The following GABRB1 variants were observed in gnomAD, a reference collection of about 807,000 sequenced individuals.
GABRB1 encodes the protein gamma-aminobutyric acid receptor subunit beta-1.
In GABRB1, 17 loss-of-function variants were observed where a neutral mutation model predicts 51.6. That is an observed-to-expected ratio of 0.33 (90% CI 0.23 to 0.49). The LOEUF (loss-of-function observed/expected upper bound fraction) is 0.49, where lower values mean the gene tolerates loss of function less well. GABRB1 is among the 20% of genes least tolerant of loss of function. The pLI, the probability that GABRB1 is intolerant of heterozygous loss-of-function variation, is 0.99. For missense variants in GABRB1, 410 were observed against 600.6 expected (o/e 0.68, Z 3.32); for synonymous variants, 247 against 218.9 (o/e 1.13, Z -1.14).
At chr4:47,136,463 G>A (rs1364968781) in intron 3 of GABRB1, among the ~76,000 whole-genome samples, 2 of 151,904 alleles carry the variant, frequency 1.3e-5, no homozygotes, top group African/African-American at 4.8e-5. Context: ...AAGCATGGAT[G>A]AAAACAATTC....
intron 1 of GABRB1, among the ~76,000 whole-genome samples, chr4:46,999,869 G>A (rs1724125976): frequency 1.3e-5 from 2 of 152,126 alleles, no homozygotes; most frequent in Admixed American, 1.3e-4. Context: ...ATTTGCACAT[G>A]GGACCCATGA....
intron 3 of GABRB1, among the ~76,000 whole-genome samples, chr4:47,078,892 A>G (rs1264660238): frequency 6.6e-6 from 1 of 152,190 alleles, no homozygotes; most frequent in African/African-American, 2.4e-5. Context: ...CTCTGCTAAG[A>G]AAAATCAGCT....
intron 3 of GABRB1, among the ~76,000 whole-genome samples, chr4:47,076,581 T>C (rs1233481820): frequency 6.6e-6 from 1 of 152,006 alleles, no homozygotes; most frequent in Non-Finnish European, 1.5e-5. Flanking sequence ...TTGTCTTCGG[T>C]TTAATGAAAG....
chr4:47,008,201 A>C (rs1361935788), intron 1 of GABRB1, among the ~76,000 whole-genome samples: 1 of 152,136 alleles, frequency 6.6e-6, no homozygotes, highest in Non-Finnish European at 1.5e-5. Context: ...TCATTCATTA[A>C]ATACAGAATA....
chr4:47,165,525 G>A (rs963155935), intron 4 of GABRB1, among the ~76,000 whole-genome samples: 4 of 152,012 alleles, frequency 2.6e-5, no homozygotes, highest in African/African-American at 9.7e-5. Context: ...TGACTTCTCC[G>A]AATGCTTTAA....
chr4:47,415,902 T>G (rs1309485910), intron 8 of GABRB1, among the ~76,000 whole-genome samples: 1 of 151,958 alleles, frequency 6.6e-6, no homozygotes, highest in African/African-American at 2.4e-5. Context: ...CCTTGGCCAT[T>G]GAAACTCAGA....
At chr4:47,225,237 AG>A (rs2109828809) in intron 4 of GABRB1, among the ~76,000 whole-genome samples, 1 of 152,286 alleles carries the variant, frequency 6.6e-6, no homozygotes, top group South Asian at 2.1e-4. Flanking sequence ...AGAGGTGCTC[AG>A]ATGGAACCAT....
chr4:47,353,424 T>C (rs1578116418), intron 5 of GABRB1, among the ~76,000 whole-genome samples: 1 of 152,206 alleles, frequency 6.6e-6, no homozygotes, highest in Admixed American at 6.5e-5. Context: ...TAACTTATTG[T>C]TAAGGTAAAT....
chr4:47,026,745 C>G (rs1725108660), upstream of GABRB1, among the ~76,000 whole-genome samples: 1 of 151,956 alleles, frequency 6.6e-6, no homozygotes, highest in Non-Finnish European at 1.5e-5. Flanking sequence ...AAATATAAAT[C>G]ACTAATAACA....
rs143198572 is a variant in GABRB1, at chr4:46,999,120, T to C, written c.-20+5194T>C. On this transcript the variant is annotated intron_variant, in intron 1 of 3. Coordinates refer to the GABRB1 transcript ENST00000513567. ...TAATAGTAATGGTTTGCAAGGATAATTTATGCATTACCGATAGTGCCCCAA... is the reference window on the plus strand; with the variant it reads ...TAATAGTAATGGTTTGCAAGGATAACTTATGCATTACCGATAGTGCCCCAA... Among the ~76,000 whole-genome samples the C allele has an allele frequency of 6.0e-3, 907 of 152,254 alleles. 6 individuals carry two copies. Among genetic ancestry groups the C allele is most frequent in the African/African-American group, 0.021 (874 of 41,538 alleles).
chr4:47,240,828 T>C (rs1721493111), intron 4 of GABRB1, among the ~76,000 whole-genome samples: 1 of 152,196 alleles, frequency 6.6e-6, no homozygotes, highest in South Asian at 2.1e-4. Flanking sequence ...AGGCATTCAA[T>C]ATTACCTGCC....
chr4:47,311,897 A>G (rs1724701777), intron 4 of GABRB1, among the ~76,000 whole-genome samples: 1 of 152,136 alleles, frequency 6.6e-6, no homozygotes, highest in African/African-American at 2.4e-5. Context: ...GAGATTGCTG[A>G]GGCTTTCCAA....
rs112421120 is a variant in GABRB1, at chr4:47,155,555, A to C, written c.241-5694A>C. 7.8e-3 allele frequency among the ~76,000 whole-genome samples: 1,188 copies of C among 152,078 alleles called. 7 individuals carry two copies. Among genetic ancestry groups the C allele is most frequent in the Non-Finnish European group, 0.012 (835 of 67,960 alleles). On this transcript the variant is annotated intron_variant, in intron 3 of 8. Transcript: ENST00000295454. ...AAATATCCTGTCTCTTTCCTAACAT[A>C]GTCTGAGACGTGCAGACTATGGGGG...
intron 4 of GABRB1, among the ~76,000 whole-genome samples, chr4:47,228,384 T>A (rs937464649): frequency 2.0e-5 from 3 of 152,022 alleles, no homozygotes; most frequent in African/African-American, 4.8e-5. Flanking sequence ...GAAAGAGGTC[T>A]TGGGTCCCAA....
In GABRB1 at chr4:47,195,376, AATAG is replaced by A. The variant is rs1240206953; in HGVS notation, c.461+33922_461+33925del. The stretch of plus-strand genomic sequence containing the variant: ...GGGAGACTCCGTCTCAAAATAAATA[AATAG>A]ATAGATAGATAGATGATAGATAGAT... On this transcript the variant is annotated intron_variant, in intron 4 of 8. Coordinates refer to ENST00000295454, the MANE Select transcript of GABRB1 (RefSeq NM_000812.4). Among the ~76,000 whole-genome samples, 201 of 92,732 alleles carry A rather than the reference AATAG, an allele frequency of 2.2e-3. 2 individuals carry two copies. The South Asian group carries it at 0.032, about 15-fold the overall frequency. The allele number at this position is 92,732 out of a possible 152,430, so 60.8% of individuals were successfully genotyped here. A position where few individuals can be genotyped will look rare whatever the true frequency, so the allele number is the denominator to read the frequency against.
At chr4:47,421,441 G>A (rs1325254841) in intron 8 of GABRB1, among the ~76,000 whole-genome samples, 1 of 151,984 alleles carries the variant, frequency 6.6e-6, no homozygotes, top group Non-Finnish European at 1.5e-5. Flanking sequence ...TGCAGATCAG[G>A]TGATTCCATT....
intron 4 of GABRB1, among the ~76,000 whole-genome samples, chr4:47,180,892 A>G (rs563240010): frequency 1.3e-5 from 2 of 152,148 alleles, no homozygotes. Flanking sequence ...CTTTTGAATT[A>G]AGATTAACAC....
At chr4:47,301,819 G>A (rs1246769181) in intron 4 of GABRB1, among the ~76,000 whole-genome samples, 1 of 151,846 alleles carries the variant, frequency 6.6e-6, no homozygotes, top group African/African-American at 2.4e-5. Context: ...GTATCCACAG[G>A]GCAATAATCA....
chr4:47,164,858 G>T (rs1200483062), intron 4 of GABRB1, among the ~76,000 whole-genome samples: 1 of 152,032 alleles, frequency 6.6e-6, no homozygotes, highest in African/African-American at 2.4e-5. Context: ...GAGGAACCAG[G>T]CTACTATGCA....
Sources: gnomAD v4.1 joint callset for allele counts (sites outside exome capture counted in the v4.1 genomes callset) on GRCh38, gnomAD v4.1.1 for gene constraint, MANE v1.5 for transcripts, NCBI Gene and HGNC (gene_info 2026-07-23, HGNC 2026-07-21) for gene names.